The following EPHA10 variants were observed in gnomAD, a reference collection of about 807,000 sequenced individuals.
The protein encoded by EPHA10 is ephrin type-A receptor 10.
Under a neutral mutation model 109.7 loss-of-function variants are expected in EPHA10, and 120 were observed. That is an observed-to-expected ratio of 1.09 (90% confidence interval 0.94 to 1.27). EPHA10 has a LOEUF of 1.27. Among genes scored for constraint, EPHA10 ranks in the 50% most tolerant of loss-of-function variants. EPHA10 has a pLI of 0.00. For missense variants in EPHA10, 1,396 were observed against 1,411.1 expected, an observed-to-expected ratio of 0.99 and a Z score of 0.17; for synonymous variants, 640 against 618.9, an observed-to-expected ratio of 1.03 and a Z score of -0.51.
chr1:37,719,501 C>T lies in EPHA10; in HGVS notation c.2669G>A (p.Arg890Gln), dbSNP rs756079971. The T allele has an allele frequency of 8.1e-6, 13 of 1,613,884 alleles. No individual in the cohort carries two copies. The highest frequency in any genetic ancestry group is 1.1e-5 in the Non-Finnish European group (13 of 1,180,022). ...LDCWQKDPGE[R>Q]PRFSQIHSIL... is the part of the protein sequence containing the mutation. ...GCTGTGGATCTGGGAGAACCTGGGC[C>T]GCTCACCTGGGTCCTTCTGCCAGCA... The change falls in exon 15 of 17, where the codon CGG becomes CAG. Residue 890 changes from arginine to glutamine, a missense_variant. Transcript: ENST00000373048.
intron 5 of EPHA10, among the ~76,000 whole-genome samples, chr1:37,744,626 C>T (rs1249337713): frequency 2.0e-5 from 3 of 151,500 alleles, no homozygotes; most frequent in East Asian, 2.0e-4. Flanking sequence ...CACCACTGTA[C>T]GCCACCCTGG....
At chr1:37,720,612 G>A in intron 12 of EPHA10, 58 bp from the exon 13 acceptor site, 4 of 1,557,734 alleles carry the variant, frequency 2.6e-6, no homozygotes, top group East Asian at 2.3e-5. Flanking sequence ...GGTGTTGTGT[G>A]ACACCAGGGC....
chr1:37,741,883 C>T (rs1308220900), intron 5 of EPHA10, among the ~76,000 whole-genome samples: 1 of 151,968 alleles, frequency 6.6e-6, no homozygotes, highest in Non-Finnish European at 1.5e-5. Context: ...CCAAAATTCA[C>T]TTTGAGACGG....
At chr1:37,740,959 G>A (rs1447355528) in intron 5 of EPHA10, among the ~76,000 whole-genome samples, 1 of 152,188 alleles carries the variant, frequency 6.6e-6, no homozygotes, top group Non-Finnish European at 1.5e-5. Flanking sequence ...ACAGGCAAAG[G>A]AAGAGAAGCT....
chr1:37,732,620 T>C (rs556062675), intron 6 of EPHA10, among the ~76,000 whole-genome samples: 12 of 152,176 alleles, frequency 7.9e-5, no homozygotes, highest in Non-Finnish European at 1.6e-4. Flanking sequence ...TAGGGCAGGC[T>C]AGGGGCAGAG....
At position 37,719,398 on chromosome 1, in the gene EPHA10, C is replaced by T; in HGVS notation, c.2756+16G>A. On this transcript the variant is annotated intron_variant, in intron 15 of 16. Coordinates refer to ENST00000373048, the MANE Select transcript of EPHA10 (RefSeq NM_001099439.2). Reference sequence around the variant, plus strand: ...ACGGACAGGTGAGAGGCTGGCTGTCCCATGTGGGAACGTACCTGGGACAGG... The same window carrying T: ...ACGGACAGGTGAGAGGCTGGCTGTCTCATGTGGGAACGTACCTGGGACAGG... The T allele has an allele frequency of 1.9e-6, 3 of 1,606,440 alleles. No individual in the cohort carries two copies. The highest frequency in any genetic ancestry group is 1.7e-6 in the Non-Finnish European group (2 of 1,177,672).
chr1:37,723,400 C>A (rs1645834986), intron 8 of EPHA10, 28 bp from the exon 9 acceptor site: 2 of 1,612,326 alleles, frequency 1.2e-6, no homozygotes, highest in Non-Finnish European at 1.7e-6. Flanking sequence ...GTCATTCTTT[C>A]AGCCAGGCCA....
intron 5 of EPHA10, among the ~76,000 whole-genome samples, chr1:37,739,936 A>G (rs927464795): frequency 3.3e-5 from 5 of 151,856 alleles, no homozygotes; most frequent in Non-Finnish European, 7.4e-5. Context: ...TCTACAAAAA[A>G]TCAAACAATT....
At chr1:37,734,517 A>G in intron 6 of EPHA10, 1 of 412,446 alleles carries the variant, frequency 2.4e-6, no homozygotes, top group South Asian at 1.8e-5. Flanking sequence ...CTGGGTGACA[A>G]GAATGAAACT....
intron 5 of EPHA10, among the ~76,000 whole-genome samples, chr1:37,741,698 C>T (rs928590550): frequency 6.6e-6 from 1 of 151,964 alleles, no homozygotes; most frequent in African/African-American, 2.4e-5. Context: ...GTGGCATTGC[C>T]TCCCATTCTA....
At chr1:37,739,164 TA>T (rs201166626) in intron 5 of EPHA10, among the ~76,000 whole-genome samples, 5 of 150,376 alleles carry the variant, frequency 3.3e-5, no homozygotes, top group South Asian at 2.1e-4. Context: ...AAAAAAGAGT[TA>T]AAAAAAAGAA....
In EPHA10 at chr1:37,765,089, T is replaced by G. The variant is rs1158418200; in HGVS notation, c.-23A>C. 1 of 1,566,672 alleles carries G rather than the reference T, an allele frequency of 6.4e-7. No individual in the cohort carries two copies. Among genetic ancestry groups the G allele is most frequent in the Non-Finnish European group, 8.6e-7 (1 of 1,160,558 alleles). ...CATGGTCCGCAGACCGAGCTGTCAG[T>G]CCGGCGGCGGCTCAAGCCGCGCCAG... On this transcript the variant is annotated 5_prime_UTR_variant, in exon 1 of 17. Coordinates refer to ENST00000373048, the MANE Select transcript of EPHA10 (RefSeq NM_001099439.2).
intron 7 of EPHA10, among the ~76,000 whole-genome samples, chr1:37,731,005 T>C (rs1175701946): frequency 1.3e-5 from 2 of 152,286 alleles, no homozygotes; most frequent in Admixed American, 6.5e-5. Flanking sequence ...ATCCTTATTT[T>C]TGTGTTTATC....
chr1:37,720,908 T>G, intron 11 of EPHA10, 64 bp from the exon 12 acceptor site: 2 of 1,555,148 alleles, frequency 1.3e-6, no homozygotes, highest in Non-Finnish European at 1.8e-6. Context: ...CACACAAGTT[T>G]CCCCCCCAGG....
Position 37,731,544 on chromosome 1 carries a change from C to T in EPHA10, c.1530G>A (p.Gly510=). Residue 510 remains glycine (G), a synonymous_variant, in exon 7 of 17, where the codon GGG becomes GGA. Coordinates refer to ENST00000373048, the MANE Select transcript of EPHA10 (RefSeq NM_001099439.2). ...GGTTGGTGACGGTGACTGTGGGCGC[C>T]CCTGTCTTCACCATGGAGTAAGTCT... ...SEQTYSMVKT[G]APTVTVTNLK... is the part of the protein sequence containing the mutation. 6.2e-7 allele frequency: 1 copy of T among 1,613,926 alleles called. No homozygotes were observed. The highest frequency in any genetic ancestry group is 8.5e-7 in the Non-Finnish European group (1 of 1,179,906).
Position 37,721,676 on chromosome 1 carries a change from C to T in EPHA10, c.2130G>A (p.Glu710=). The change falls in exon 11 of 17, where the codon GAG becomes GAA. Residue 710 remains glutamate, a synonymous_variant. Coordinates refer to ENST00000373048, the MANE Select transcript of EPHA10 (RefSeq NM_001099439.2). The part of the protein sequence containing the change: ...QFDHSHIVRL[E]GVVTRGSTLM... ...GGGCCCTACCTCGGGTAACAACGCC[C>T]TCCAGCCGCACGATGTGGCTATGGT... 6.2e-7 allele frequency: 1 copy of T among 1,607,336 alleles called. No homozygotes were observed. Among genetic ancestry groups the T allele is most frequent in the Non-Finnish European group, 8.5e-7 (1 of 1,176,898 alleles).
chr1:37,723,606 C>G (rs1160946810), intron 8 of EPHA10, among the ~76,000 whole-genome samples: 1 of 152,254 alleles, frequency 6.6e-6, no homozygotes, highest in Non-Finnish European at 1.5e-5. Context: ...TCCCTAGCTA[C>G]TTTCACATGG....
At chr1:37,731,169 T>C (rs731174) in intron 7 of EPHA10, among the ~76,000 whole-genome samples, 43,845 of 152,028 alleles carry the variant, frequency 0.29, 6,629 homozygotes, top group Middle Eastern at 0.43. Flanking sequence ...TGTTCACAAA[T>C]CCCTCTCCTG....
chr1:37,720,928 T>C (rs2148308575), intron 11 of EPHA10, 84 bp from the exon 12 acceptor site: 2 of 1,417,460 alleles, frequency 1.4e-6, no homozygotes, highest in Non-Finnish European at 2.0e-6. Context: ...GGTCCCAGAC[T>C]GGGCCTCGAG....
Sources: gnomAD v4.1 joint callset for allele counts (sites outside exome capture counted in the v4.1 genomes callset) on GRCh38, gnomAD v4.1.1 for gene constraint, MANE v1.5 for transcripts, NCBI Gene and HGNC (gene_info 2026-07-23, HGNC 2026-07-21) for gene names.